TRHDE: variants seen among roughly 807,000 people sequenced by gnomAD.
TRHDE encodes thyrotropin-releasing hormone-degrading ectoenzyme.
TRHDE carries 72 observed loss-of-function variants against 125.7 expected under a neutral mutation model. That is an observed-to-expected ratio of 0.57 (90% confidence interval 0.47 to 0.70). The LOEUF is 0.70. Ranked by LOEUF, TRHDE falls within the 30% of genes least tolerant of loss-of-function variation. The probability of loss-of-function intolerance (pLI) is 0.00; values close to 1 mark genes in which losing one functional copy is unlikely to be tolerated. For missense variants in TRHDE, 1,110 were observed against 1,327.1 expected, an observed-to-expected ratio of 0.84 and a Z score of 2.54; for synonymous variants, 509 against 509.1, an observed-to-expected ratio of 1.00 and a Z score of 0.00.
At chr12:72,133,371 T>C (rs79305101) in intron 2 of TRHDE, among the ~76,000 whole-genome samples, 11,102 of 152,102 alleles carry the variant, frequency 0.073, 703 homozygotes, top group African/African-American at 0.16. Context: ...TGGTGGGTAA[T>C]ACAGGAATCA....
intron 3 of TRHDE, among the ~76,000 whole-genome samples, chr12:72,435,850 CA>C (rs1483185035): frequency 2.0e-5 from 3 of 151,760 alleles, no homozygotes; most frequent in Non-Finnish European, 4.4e-5. Flanking sequence ...AACCAGTTCC[CA>C]AGGACATAAT....
chr12:72,489,090 A>C (rs765126936), intron 5 of TRHDE, among the ~76,000 whole-genome samples: 2 of 151,766 alleles, frequency 1.3e-5, no homozygotes, highest in Non-Finnish European at 2.9e-5. Context: ...ACTTCAAGGA[A>C]TTAGAAAAAG....
chr12:72,368,457 C>T (rs1223693632), intron 2 of TRHDE, among the ~76,000 whole-genome samples: 2 of 152,056 alleles, frequency 1.3e-5, no homozygotes, highest in Non-Finnish European at 2.9e-5. Context: ...TGAGTAATTG[C>T]TCATCTTTAC....
At chr12:72,213,908 A>G (rs1479063496) in intron 2 of TRHDE, among the ~76,000 whole-genome samples, 1 of 152,152 alleles carries the variant, frequency 6.6e-6, no homozygotes, top group Non-Finnish European at 1.5e-5. Context: ...TAACTTCCAT[A>G]TGCATATTTA....
intron 6 of TRHDE, among the ~76,000 whole-genome samples, chr12:72,507,432 G>A (rs1878399726): frequency 6.6e-6 from 1 of 152,198 alleles, no homozygotes; most frequent in Admixed American, 6.5e-5. Context: ...CCAGGCTGAT[G>A]AGTTCTCAGA....
chr12:72,546,795 G>A (rs1869441172), intron 7 of TRHDE, among the ~76,000 whole-genome samples: 1 of 151,732 alleles, frequency 6.6e-6, no homozygotes, highest in South Asian at 2.1e-4. Context: ...GGTTTCATAG[G>A]GAAGTAATAC....
intron 12 of TRHDE, among the ~76,000 whole-genome samples, chr12:72,576,167 G>C (rs1870984762): frequency 6.6e-6 from 1 of 152,078 alleles, no homozygotes; most frequent in African/African-American, 2.4e-5. Flanking sequence ...AGACTAAAAT[G>C]TAAAACAAAC....
intron 12 of TRHDE, among the ~76,000 whole-genome samples, chr12:72,606,233 G>A (rs2136064453): frequency 6.6e-6 from 1 of 152,244 alleles, no homozygotes; most frequent in South Asian, 2.1e-4. Flanking sequence ...CTGTTTGACT[G>A]GTTTCGGATT....
At chr12:72,592,912 C>T (rs567686931) in intron 12 of TRHDE, among the ~76,000 whole-genome samples, 2 of 152,236 alleles carry the variant, frequency 1.3e-5, no homozygotes, top group Non-Finnish European at 2.9e-5. Flanking sequence ...ACGGTTTTGC[C>T]ATGTTGGCCA....
Position 72,282,719 on chromosome 12 carries a change from A to G in TRHDE, c.915-3962A>G, listed in dbSNP as rs142487756. ...TGTGCTACCTGTAGTCAACTCACTCATTTCTCCATCCAACTATGACCTTTA... is the reference window on the plus strand; with the variant it reads ...TGTGCTACCTGTAGTCAACTCACTCGTTTCTCCATCCAACTATGACCTTTA... On this transcript the variant is annotated intron_variant, in intron 1 of 18. Transcript: ENST00000261180. Among the ~76,000 whole-genome samples, 486 of 152,294 alleles carry G rather than the reference A, an allele frequency of 3.2e-3. 1 individual carries two copies. Among genetic ancestry groups the G allele is most frequent in the Middle Eastern group, 0.014 (4 of 294 alleles).
chr12:72,351,758 G>A (rs1202768869), intron 2 of TRHDE, among the ~76,000 whole-genome samples: 2 of 151,916 alleles, frequency 1.3e-5, no homozygotes, highest in East Asian at 1.9e-4. Context: ...TCTTTCCATT[G>A]CACTTAAAGA....
At chr12:72,516,896 A>G (rs1475691286) in intron 6 of TRHDE, among the ~76,000 whole-genome samples, 1 of 152,030 alleles carries the variant, frequency 6.6e-6, no homozygotes, top group Non-Finnish European at 1.5e-5. Context: ...GCATCTATTG[A>G]GATAATCATG....
At chr12:72,632,025 A>AT (rs1237650076) in intron 15 of TRHDE, among the ~76,000 whole-genome samples, 3 of 151,960 alleles carry the variant, frequency 2.0e-5, no homozygotes, top group African/African-American at 7.2e-5. Flanking sequence ...TGAAGAATAC[A>AT]AAAGATGATG....
intron 2 of TRHDE, among the ~76,000 whole-genome samples, chr12:72,160,375 C>T (rs1168315705): frequency 1.3e-5 from 2 of 152,128 alleles, no homozygotes; most frequent in East Asian, 1.9e-4. Context: ...GGATAAAACC[C>T]ATCAATCTAT....
In TRHDE at chr12:72,562,224, A is replaced by G; in HGVS notation, c.1848A>G (p.Leu616=). 6.5e-7 allele frequency: 1 copy of G among 1,543,356 alleles called. No homozygotes were observed. Among genetic ancestry groups the G allele is most frequent in the Non-Finnish European group, 8.9e-7 (1 of 1,122,834 alleles). The change falls in exon 8 of 19, where the codon TTA becomes TTG. Residue 616 remains leucine (L), a synonymous_variant. Coordinates refer to ENST00000261180, the MANE Select transcript of TRHDE (RefSeq NM_013381.3). ...NAARNDLWNT[L]SEALKRNGKY... ...CCAGAAATGATCTCTGGAATACATT[A>G]TCGGAGGTAAAGTATAGGAAGCTTA...
intron 3 of TRHDE, among the ~76,000 whole-genome samples, chr12:72,468,607 C>A (rs1463752361): frequency 6.6e-6 from 1 of 152,202 alleles, no homozygotes; most frequent in Non-Finnish European, 1.5e-5. Context: ...TTCTACCCTG[C>A]CACTTACTGA....
At chr12:72,637,418 C>T (rs1366201753) in intron 15 of TRHDE, among the ~76,000 whole-genome samples, 21 of 152,022 alleles carry the variant, frequency 1.4e-4, no homozygotes, top group Admixed American at 3.9e-4. Flanking sequence ...GTCTTGCTAG[C>T]GGTCTATCAA....
chr12:72,329,287 C>A (rs1869474936), intron 2 of TRHDE, among the ~76,000 whole-genome samples: 1 of 152,174 alleles, frequency 6.6e-6, no homozygotes, highest in African/African-American at 2.4e-5. Context: ...AATAATTTAT[C>A]CACTGTAGGT....
chr12:72,229,882 AG>A (rs1318690028), intron 2 of TRHDE, among the ~76,000 whole-genome samples: 2 of 152,208 alleles, frequency 1.3e-5, no homozygotes, highest in Non-Finnish European at 2.9e-5. Context: ...AAGAGGAAAT[AG>A]GTGAGATGCT....
Sources: allele counts gnomAD v4.1 joint callset (sites outside exome capture counted in the v4.1 genomes callset), GRCh38; gene constraint gnomAD v4.1.1; transcripts MANE v1.5; gene names NCBI Gene and HGNC (gene_info 2026-07-23, HGNC 2026-07-21).